The following ALK variants were observed in gnomAD, a reference collection of about 807,000 sequenced individuals.
ALK encodes the protein ALK tyrosine kinase receptor.
In ALK, 74 loss-of-function variants were observed where a neutral mutation model predicts 163.1. That is an observed-to-expected ratio of 0.45 (90% CI 0.38 to 0.55). ALK has a LOEUF of 0.55. Among genes scored for constraint, ALK ranks in the 20% least tolerant of loss-of-function variants. The pLI is 0.00. For missense variants in ALK, 2,063 were observed against 2,105.3 expected (o/e 0.98, Z 0.39); for synonymous variants, 960 against 843.2 (o/e 1.14, Z -2.40).
At chr2:29,679,343 T>C (rs1164448219) in intron 3 of ALK, among the ~76,000 whole-genome samples, 1 of 151,906 alleles carries the variant, frequency 6.6e-6, no homozygotes, top group Non-Finnish European at 1.5e-5. Flanking sequence ...TTAGTTCCTC[T>C]GTATCTTTCT....
chr2:29,750,268 C>T (rs929339776), intron 1 of ALK, among the ~76,000 whole-genome samples: 1 of 152,192 alleles, frequency 6.6e-6, no homozygotes, highest in Non-Finnish European at 1.5e-5. Context: ...GCCTATCGAT[C>T]CCAGGCCACA....
At chr2:29,438,603 G>T (rs1405949541) in intron 4 of ALK, among the ~76,000 whole-genome samples, 1 of 152,118 alleles carries the variant, frequency 6.6e-6, no homozygotes, top group African/African-American at 2.4e-5. Flanking sequence ...AGAAAGCAAA[G>T]AAATTTGCAG....
At chr2:29,266,247 G>A (rs1405891396) in intron 11 of ALK, among the ~76,000 whole-genome samples, 1 of 152,182 alleles carries the variant, frequency 6.6e-6, no homozygotes. Context: ...CCTGAAAACT[G>A]ATGAGCAATT....
intron 4 of ALK, among the ~76,000 whole-genome samples, chr2:29,426,538 A>G (rs1347278196): frequency 3.3e-5 from 5 of 152,216 alleles, no homozygotes; most frequent in Non-Finnish European, 7.3e-5. Flanking sequence ...CTCTGTCAAT[A>G]TAAAAAATTC....
intron 4 of ALK, among the ~76,000 whole-genome samples, chr2:29,424,401 T>G (rs1670088560): frequency 6.6e-6 from 1 of 152,216 alleles, no homozygotes; most frequent in Middle Eastern, 3.2e-3. Context: ...TTTTGCAAAT[T>G]CCAGAGACCT....
chr2:29,572,654 T>TGATC (rs1408614902), intron 3 of ALK, among the ~76,000 whole-genome samples: 2 of 152,236 alleles, frequency 1.3e-5, no homozygotes, highest in Non-Finnish European at 2.9e-5. Flanking sequence ...TTAGCGTCTA[T>TGATC]GATCCCCTTT....
chr2:29,547,464 G>A (rs1422912221), intron 3 of ALK, among the ~76,000 whole-genome samples: 1 of 152,212 alleles, frequency 6.6e-6, no homozygotes, highest in Non-Finnish European at 1.5e-5. Flanking sequence ...GGGCATGGTG[G>A]CGTGCGCCTG....
intron 3 of ALK, among the ~76,000 whole-genome samples, chr2:29,547,661 C>A (rs187549076): frequency 6.6e-6 from 1 of 152,138 alleles, no homozygotes; most frequent in Non-Finnish European, 1.5e-5. Flanking sequence ...AACTGAACTG[C>A]GGTGGATTTC....
At chr2:29,401,638 C>T (rs1669448298) in intron 4 of ALK, among the ~76,000 whole-genome samples, 1 of 152,066 alleles carries the variant, frequency 6.6e-6, no homozygotes, top group South Asian at 2.1e-4. Context: ...CCCAAAAATC[C>T]CAAGGCCCTT....
intron 6 of ALK, among the ~76,000 whole-genome samples, chr2:29,321,782 T>G (rs140388040): frequency 6.6e-6 from 1 of 152,046 alleles, no homozygotes; most frequent in Non-Finnish European, 1.5e-5. Context: ...TGCAGCATAA[T>G]CTAGCCTGTC....
chr2:29,666,118 G>T (rs1573539006), intron 3 of ALK, among the ~76,000 whole-genome samples: 1 of 152,020 alleles, frequency 6.6e-6, no homozygotes, highest in African/African-American at 2.4e-5. Flanking sequence ...CTGAAATCAA[G>T]ATGTATTACA....
intron 6 of ALK, among the ~76,000 whole-genome samples, chr2:29,324,768 G>A (rs996163902): frequency 2.6e-5 from 4 of 152,218 alleles, no homozygotes; most frequent in African/African-American, 9.6e-5. Flanking sequence ...CATCTGGGAT[G>A]TCTCACTTGG....
chr2:29,852,214 G>A (rs1383516134), intron 1 of ALK, among the ~76,000 whole-genome samples: 2 of 152,174 alleles, frequency 1.3e-5, no homozygotes, highest in African/African-American at 4.8e-5. Flanking sequence ...GGTGGTGATG[G>A]ACTAATAAAG....
intron 25 of ALK, among the ~76,000 whole-genome samples, chr2:29,207,701 A>C: frequency 6.6e-6 from 1 of 152,250 alleles, no homozygotes; most frequent in Non-Finnish European, 1.5e-5. Flanking sequence ...GGATCCTCTG[A>C]CACTCACACA....
chr2:29,845,730 G>A (rs140340416), intron 1 of ALK, among the ~76,000 whole-genome samples: 33 of 152,206 alleles, frequency 2.2e-4, no homozygotes, highest in Middle Eastern at 3.4e-3. Flanking sequence ...CACTGTGCCC[G>A]GACACATTTT....
intron 13 of ALK, among the ~76,000 whole-genome samples, chr2:29,235,248 A>G (rs1664342212): frequency 6.6e-6 from 1 of 152,226 alleles, no homozygotes; most frequent in Non-Finnish European, 1.5e-5. Context: ...CTTTCACTTA[A>G]TAGAAAAAAA....
chr2:29,194,471 T>TA (rs1369111647), intron 28 of ALK, among the ~76,000 whole-genome samples: 20 of 152,222 alleles, frequency 1.3e-4, no homozygotes, highest in Admixed American at 1.3e-4. Context: ...CTGTGCCACA[T>TA]CATCACATGT....
intron 3 of ALK, among the ~76,000 whole-genome samples, chr2:29,613,694 G>T (rs1675760007): frequency 6.6e-6 from 1 of 152,214 alleles, no homozygotes; most frequent in Admixed American, 6.5e-5. Flanking sequence ...GAGCACTGAT[G>T]AGTTCAGTGT....
intron 1 of ALK, among the ~76,000 whole-genome samples, chr2:29,755,097 A>C (rs377476927): frequency 2.1e-4 from 32 of 152,218 alleles, no homozygotes; most frequent in African/African-American, 7.2e-4. Context: ...CAACTCTGGG[A>C]GTGGGAGGCT....
Sources: gnomAD v4.1 joint callset for allele counts (sites outside exome capture counted in the v4.1 genomes callset) on GRCh38, gnomAD v4.1.1 for gene constraint, MANE v1.5 for transcripts, NCBI Gene and HGNC (gene_info 2026-07-23, HGNC 2026-07-21) for gene names.